The following AATK variants were observed in gnomAD, a reference collection of about 807,000 sequenced individuals.
The protein encoded by AATK is lemur tail kinase 1.
In AATK, 91 loss-of-function variants were observed where a neutral mutation model predicts 114.3. That is an observed-to-expected ratio of 0.80 (90% CI 0.67 to 0.95). The LOEUF (loss-of-function observed/expected upper bound fraction) is 0.95. AATK is among the 40% of genes least tolerant of loss of function. AATK has a pLI of 0.00. For missense variants in AATK, 2,176 were observed against 1,965.2 expected (o/e 1.11, Z -2.03); for synonymous variants, 1,075 against 916.5 (o/e 1.17, Z -3.12).
intron 1 of AATK, among the ~76,000 whole-genome samples, chr17:81,138,620 TACCC>T (rs2061067438): frequency 8.8e-6 from 1 of 113,142 alleles, no homozygotes; most frequent in Admixed American, 8.7e-5. Context: ...CACACACACA[TACCC>T]ACACACATAT....
chr17:81,128,203 A>G (rs2060876458), intron 4 of AATK, among the ~76,000 whole-genome samples: 1 of 152,032 alleles, frequency 6.6e-6, no homozygotes, highest in Admixed American at 6.5e-5. Flanking sequence ...TGTCTCGTTT[A>G]GGCCAAGGTC....
At chr17:81,162,518 G>C (rs921116948) in intron 1 of AATK, among the ~76,000 whole-genome samples, 1 of 152,134 alleles carries the variant, frequency 6.6e-6, no homozygotes, top group Non-Finnish European at 1.5e-5. Flanking sequence ...GACTCCCGGG[G>C]ACCACCCAGG....
chr17:81,132,596 A>G, intron 2 of AATK: 1 of 221,922 alleles, frequency 4.5e-6, no homozygotes, highest in East Asian at 1.5e-4. Flanking sequence ...GGCTTTGTAG[A>G]GGGGCCCAGG....
At chr17:81,146,824 G>A (rs1339141333) in intron 1 of AATK, among the ~76,000 whole-genome samples, 1 of 151,544 alleles carries the variant, frequency 6.6e-6, no homozygotes, top group East Asian at 1.9e-4. Context: ...CCAGACAGCG[G>A]GAGTTTGTAG....
chr17:81,125,442 C>T (rs1368802985), intron 7 of AATK: 1 of 407,482 alleles, frequency 2.5e-6, no homozygotes, highest in African/African-American at 2.1e-5. Context: ...CCCAGGGGTC[C>T]TGCCGGCTGC....
intron 4 of AATK, 142 bp downstream of exon 4, chr17:81,128,328 C>T (rs1397827131): frequency 9.3e-7 from 1 of 1,080,208 alleles, no homozygotes; most frequent in Non-Finnish European, 1.3e-6. Context: ...CTGAGGACCT[C>T]CCTGGGGAAG....
rs1568217648 is a variant in AATK at position 81,120,245 on chromosome 17, C to T, written c.3691G>A (p.Ala1231Thr). 2 of 1,595,706 alleles carry T rather than the reference C, an allele frequency of 1.3e-6. No homozygotes were observed. The highest frequency in any genetic ancestry group is 2.2e-5 in the South Asian group (2 of 90,744). ...GTGACGTCGTCGAAGAAGGACACGG[C>T]CTTCTTCTTGCGTTCCAGGTCCTCG... ...FCEDLERKKK[A>T]VSFFDDVTVY... Residue 1231 changes from alanine (A) to threonine (T), a missense_variant, in exon 11 of 14, where the codon GCC becomes ACC. This residue lies in a region of AATK where 1,701 missense variants were observed against 1,394.7 expected (regional missense o/e 1.22). Coordinates refer to ENST00000326724, the MANE Select transcript of AATK (RefSeq NM_001080395.3).
In AATK at chr17:81,128,680, C is replaced by T; in HGVS notation, c.335-131G>A. 1.2e-5 allele frequency: 18 copies of T among 1,482,640 alleles called. 1 individual carries two copies. In the South Asian group the frequency reaches 2.2e-4, roughly 18 times the overall value. 91.8% of individuals were successfully genotyped at this position (1,482,640 alleles called of 1,614,324 possible). A position where few individuals can be genotyped will look rare whatever the true frequency, so the allele number is the denominator to read the frequency against. Reference sequence around the variant, plus strand: ...GTCCTGAGTCCCTAGCACCAGCTGGCAACCTTGGGGCCACCATCAGGAGCC... The same window carrying T: ...GTCCTGAGTCCCTAGCACCAGCTGGTAACCTTGGGGCCACCATCAGGAGCC... On this transcript the variant is annotated intron_variant, in intron 3 of 13. Transcript: ENST00000326724.
intron 1 of AATK, among the ~76,000 whole-genome samples, chr17:81,141,443 TCCC>T (rs542960698): frequency 3.4e-4 from 52 of 151,932 alleles, no homozygotes; most frequent in African/African-American, 1.2e-3. Context: ...AGAGACTCTG[TCCC>T]CCCCAAAAGA....
At position 81,120,294 on chromosome 17, in the gene AATK, G is replaced by A. The variant is rs2060684019; in HGVS notation, c.3642C>T (p.Pro1214=). Residue 1214 remains proline, a synonymous_variant, in exon 11 of 14, where the codon CCC becomes CCT. Transcript: ENST00000326724. ...ARNLRSLLKM[P]SLLSETFCED... is the part of the protein sequence containing the mutation. Reference sequence around the variant, plus strand: ...CGCAGAAGGTCTCGGACAGCAGGCTGGGCATCTTGAGCAGGCTGCGCAGGT... The same window carrying A: ...CGCAGAAGGTCTCGGACAGCAGGCTAGGCATCTTGAGCAGGCTGCGCAGGT... 2 of 1,609,338 alleles carry A rather than the reference G, an allele frequency of 1.2e-6. No homozygotes were observed. Among genetic ancestry groups the A allele is most frequent in the Non-Finnish European group, 1.7e-6 (2 of 1,178,152 alleles).
chr17:81,133,160 G>GC (rs1014011170), intron 2 of AATK: 13 of 465,780 alleles, frequency 2.8e-5, no homozygotes, highest in African/African-American at 4.0e-5. Flanking sequence ...CCACAGCTTT[G>GC]CCCCCCAGGC....
intron 3 of AATK, among the ~76,000 whole-genome samples, chr17:81,129,317 G>A (rs1392399013): frequency 1.3e-5 from 2 of 152,300 alleles, no homozygotes; most frequent in South Asian, 2.1e-4. Context: ...ACCGGGTGCT[G>A]TGTCCTGAGC....
At position 81,123,265 on chromosome 17, in the gene AATK, C is replaced by T. The variant is rs574787843; in HGVS notation, c.1041G>A (p.Leu347=). The change falls in exon 10 of 14, where the codon CTG becomes CTA. Residue 347 remains leucine (L), a synonymous_variant. Transcript: ENST00000326724. ...PYPQHSDQQV[L]AYTVREQQLK... is the part of the protein sequence containing the mutation. Reference sequence around the variant, plus strand: ...GCTGCTGCTCCCGGACCGTGTACGCCAGCACCTGCTGGTCCGAGTGCTGGG... The same window carrying T: ...GCTGCTGCTCCCGGACCGTGTACGCTAGCACCTGCTGGTCCGAGTGCTGGG... The T allele has an allele frequency of 4.9e-5, 69 of 1,407,392 alleles. No homozygotes were observed. In the South Asian group the frequency reaches 9.7e-4, roughly 20 times the overall value. 87.2% of individuals were successfully genotyped at this position (1,407,392 alleles called of 1,614,324 possible).
intron 10 of AATK, 133 bp from the exon 11 acceptor site, chr17:81,122,956 C>G: frequency 2.0e-6 from 2 of 995,166 alleles, no homozygotes; most frequent in Non-Finnish European, 2.8e-6. Flanking sequence ...TAATTGACAC[C>G]CCAAATCTGC....
chr17:81,120,459 C>A lies in AATK; in HGVS notation c.3477G>T (p.Glu1159Asp). ...GLPAALEGRPEEEEEDSEDSD... is the reference protein window; with the variant it reads ...GLPAALEGRPDEEEEDSEDSD... Reference sequence around the variant, plus strand: ...TGTCCTCACTGTCCTCCTCCTCCTCCTCCGGCCGGCCCTCCAAGGCCGCAG... The same window carrying A: ...TGTCCTCACTGTCCTCCTCCTCCTCATCCGGCCGGCCCTCCAAGGCCGCAG... Residue 1159 changes from glutamate to aspartate, a missense_variant, in exon 11 of 14, where the codon GAG becomes GAT. Glu to Asp is a conservative substitution (Grantham distance 45). Transcript: ENST00000326724. 1 of 1,544,334 alleles carries A rather than the reference C, an allele frequency of 6.5e-7. No individual in the cohort carries two copies. The highest frequency in any genetic ancestry group is 2.4e-5 in the East Asian group (1 of 42,312).
At chr17:81,119,261 C>CGGGGCCGGGAAGGAGT in intron 13 of AATK, 119 bp downstream of exon 13, 2 of 1,082,430 alleles carry the variant, frequency 1.8e-6, no homozygotes, top group Non-Finnish European at 2.5e-6. Context: ...CGGGAAGGAG[C>CGGGGCCGGGAAGGAGT]GGAGCGGAGC....
intron 1 of AATK, among the ~76,000 whole-genome samples, chr17:81,140,900 G>GGA (rs2061123407): frequency 2.2e-5 from 3 of 133,566 alleles, no homozygotes; most frequent in African/African-American, 8.4e-5. Flanking sequence ...TGAGCTGTGA[G>GGA]CCGTGGGGCC....
rs1216354619 is a variant in AATK, at chr17:81,122,274, T to A, written c.1662A>T (p.Pro554=). Residue 554 remains proline (P), a synonymous_variant, in exon 11 of 14, where the codon CCA becomes CCT. Transcript: ENST00000326724. The part of the protein sequence containing the change: ...DPDCAGCAPS[P]PATADQDDDS... ...CGTCGTCCTGGTCCGCGGTGGCAGGTGGACTGGGGGCGCAGCCGGCGCAGT... is the reference window on the plus strand; with the variant it reads ...CGTCGTCCTGGTCCGCGGTGGCAGGAGGACTGGGGGCGCAGCCGGCGCAGT... 1 of 1,496,944 alleles carries A rather than the reference T, an allele frequency of 6.7e-7. No individual in the cohort carries two copies. The highest frequency in any genetic ancestry group is 2.3e-5 in the Admixed American group (1 of 43,296). 92.7% of individuals were successfully genotyped at this position (1,496,944 alleles called of 1,614,324 possible). A position where few individuals can be genotyped will look rare whatever the true frequency, so the allele number is the denominator to read the frequency against.
intron 1 of AATK, among the ~76,000 whole-genome samples, chr17:81,158,754 C>A (rs988903476): frequency 3.3e-5 from 5 of 152,326 alleles, no homozygotes; most frequent in African/African-American, 1.2e-4. Flanking sequence ...GCAGACAAGA[C>A]CACCATGGGC....
Sources: allele counts gnomAD v4.1 joint callset (sites outside exome capture counted in the v4.1 genomes callset), GRCh38; gene constraint gnomAD v4.1.1; regional missense constraint gnomAD v4.1.1; transcripts MANE v1.5; gene names NCBI Gene and HGNC (gene_info 2026-07-23, HGNC 2026-07-21).